VAV3: variants seen among roughly 807,000 people sequenced by gnomAD.
The protein encoded by VAV3 is guanine nucleotide exchange factor VAV3.
VAV3 carries 94 observed loss-of-function variants against 131.2 expected under a neutral mutation model. The observed-to-expected ratio is 0.72, with a 90% CI of 0.61 to 0.85. VAV3 has a LOEUF of 0.85. Ranked by LOEUF, VAV3 falls within the 40% of genes least tolerant of loss-of-function variation. The pLI is 0.00. For missense variants in VAV3, 939 were observed against 1,002.7 expected (o/e 0.94, Z 0.86); for synonymous variants, 349 against 342.0 (o/e 1.02, Z -0.22).
At chr1:107,804,296 T>C (rs1666959894) in intron 2 of VAV3, among the ~76,000 whole-genome samples, 1 of 152,146 alleles carries the variant, frequency 6.6e-6, no homozygotes, top group South Asian at 2.1e-4. Context: ...TGTTTTCTGG[T>C]TGCTTTGTAA....
intron 2 of VAV3, among the ~76,000 whole-genome samples, chr1:107,834,794 T>C (rs1004066852): frequency 2.6e-5 from 4 of 152,096 alleles, no homozygotes; most frequent in Admixed American, 2.6e-4. Context: ...ATGGGGTTGC[T>C]GAATGCCAGG....
At chr1:107,878,317 A>G (rs1314113246) in intron 1 of VAV3, among the ~76,000 whole-genome samples, 1 of 152,170 alleles carries the variant, frequency 6.6e-6, no homozygotes, top group Admixed American at 6.5e-5. Flanking sequence ...ATATTATCTA[A>G]TATCCATTCC....
chr1:107,886,685 T>C (rs1241271562), intron 1 of VAV3, among the ~76,000 whole-genome samples: 2 of 152,200 alleles, frequency 1.3e-5, no homozygotes, highest in Non-Finnish European at 2.9e-5. Context: ...TTGTACAAAC[T>C]TGTACTTTCT....
chr1:107,621,615 G>C (rs2101265201), intron 20 of VAV3, among the ~76,000 whole-genome samples: 1 of 152,198 alleles, frequency 6.6e-6, no homozygotes, highest in South Asian at 2.1e-4. Context: ...ACCTTGGTGA[G>C]AGACATGCAA....
intron 20 of VAV3, among the ~76,000 whole-genome samples, chr1:107,629,628 G>A (rs1031425825): frequency 6.6e-6 from 1 of 152,128 alleles, no homozygotes; most frequent in African/African-American, 2.4e-5. Flanking sequence ...AAAAAAAGAA[G>A]AAGACAAAGA....
At chr1:107,827,299 C>T (rs889079636) in intron 2 of VAV3, among the ~76,000 whole-genome samples, 1 of 152,108 alleles carries the variant, frequency 6.6e-6, no homozygotes, top group African/African-American at 2.4e-5. Context: ...ATCCCTCTTC[C>T]TTCCTTATTC....
intron 4 of VAV3, 65 bp from the exon 5 acceptor site, chr1:107,772,908 G>A: frequency 7.4e-7 from 1 of 1,353,922 alleles, no homozygotes; most frequent in Admixed American, 2.0e-5. Flanking sequence ...GCTACAAATA[G>A]CCTACTGGAT....
At chr1:107,735,339 G>C in intron 15 of VAV3, among the ~76,000 whole-genome samples, 1 of 152,110 alleles carries the variant, frequency 6.6e-6, no homozygotes, top group African/African-American at 2.4e-5. Context: ...CTAGCAAAAG[G>C]TAAGAAATAA....
chr1:107,628,301 T>C (rs954744248), intron 20 of VAV3, among the ~76,000 whole-genome samples: 3 of 152,188 alleles, frequency 2.0e-5, no homozygotes, highest in African/African-American at 4.8e-5. Flanking sequence ...ACCTGGACTG[T>C]TTGAAGACCA....
chr1:107,794,103 T>A (rs746181647), intron 2 of VAV3, among the ~76,000 whole-genome samples: 6 of 152,260 alleles, frequency 3.9e-5, no homozygotes, highest in Non-Finnish European at 7.3e-5. Flanking sequence ...AAGATAGCTC[T>A]GGCTGACAAT....
intron 1 of VAV3, among the ~76,000 whole-genome samples, chr1:107,924,172 C>T (rs1673043954): frequency 6.6e-6 from 1 of 152,096 alleles, no homozygotes; most frequent in Non-Finnish European, 1.5e-5. Context: ...CCTATAGAAT[C>T]TTATTGGTGA....
chr1:107,964,792 G>C lies in VAV3; in HGVS notation c.78C>G (p.Asp26Glu), dbSNP rs1485299075. The C allele has an allele frequency of 7.4e-6, 12 of 1,614,032 alleles. No individual in the cohort carries two copies. The highest frequency in any genetic ancestry group is 1.3e-5 in the African/African-American group (1 of 75,060). The change falls in exon 1 of 27, where the codon GAC becomes GAG. Residue 26 changes from aspartate (D) to glutamate (E), a missense_variant. Asp to Glu is a conservative substitution (Grantham distance 45). Coordinates refer to ENST00000370056, the MANE Select transcript of VAV3 (RefSeq NM_006113.5). ...VLPTNHRVTWDSAQVFDLAQT... is the reference protein window; with the variant it reads ...VLPTNHRVTWESAQVFDLAQT... ...GCGCAAGGTCGAACACCTGAGCCGA[G>C]TCCCAGGTCACCCGGTGGTTGGTGG... is the stretch of plus-strand genomic sequence containing the variant.
intron 25 of VAV3, among the ~76,000 whole-genome samples, chr1:107,575,056 C>G (rs1348017321): frequency 6.6e-6 from 1 of 151,336 alleles, no homozygotes; most frequent in Non-Finnish European, 1.5e-5. Context: ...AGGAGAGGAG[C>G]TAACTTTCTC....
At chr1:107,749,625 A>C in intron 13 of VAV3, 31 bp from the exon 14 acceptor site, 1 of 1,604,328 alleles carries the variant, frequency 6.2e-7, no homozygotes, top group East Asian at 2.2e-5. Flanking sequence ...GATTGATTTT[A>C]AATGGTTTAG....
Position 107,825,099 on chromosome 1 carries a change from C to A in VAV3, c.322-45607G>T, listed in dbSNP as rs939742829. 1.0e-3 allele frequency among the ~76,000 whole-genome samples: 159 copies of A among 152,312 alleles called. 1 individual carries two copies. The highest frequency in any genetic ancestry group is 3.6e-3 in the African/African-American group (151 of 41,570). On this transcript the variant is annotated intron_variant, in intron 2 of 26. Coordinates refer to ENST00000370056, the MANE Select transcript of VAV3 (RefSeq NM_006113.5). Reference sequence around the variant, plus strand: ...CTCACTTATGTGCTGTCTATGGCTGCCTTTCTACCACAATAATAAATGTGA... The same window carrying A: ...CTCACTTATGTGCTGTCTATGGCTGACTTTCTACCACAATAATAAATGTGA...
chr1:107,851,477 T>C (rs1669230305), intron 2 of VAV3, among the ~76,000 whole-genome samples: 1 of 152,092 alleles, frequency 6.6e-6, no homozygotes, highest in South Asian at 2.1e-4. Context: ...ATCTTAAATG[T>C]TCTTGCCTAT....
intron 2 of VAV3, among the ~76,000 whole-genome samples, chr1:107,827,352 G>A (rs958640094): frequency 3.3e-5 from 5 of 152,120 alleles, no homozygotes; most frequent in Non-Finnish European, 7.3e-5. Context: ...TGAGGTCACT[G>A]TTCCTTGTAC....
intron 19 of VAV3, among the ~76,000 whole-genome samples, chr1:107,658,667 T>C (rs1411695664): frequency 6.6e-6 from 1 of 152,120 alleles, no homozygotes; most frequent in African/African-American, 2.4e-5. Flanking sequence ...GGTATCTTAT[T>C]GTGGTTTTGA....
chr1:107,574,971 G>GTA (rs1414207134), intron 25 of VAV3, among the ~76,000 whole-genome samples: 1 of 25,138 alleles, frequency 4.0e-5, no homozygotes, highest in Non-Finnish European at 1.1e-4. Context: ...CTCTGTGTGT[G>GTA]TGTGTGTGTG....
Sources: gnomAD v4.1 joint callset for allele counts (sites outside exome capture counted in the v4.1 genomes callset) on GRCh38, gnomAD v4.1.1 for gene constraint, MANE v1.5 for transcripts, NCBI Gene and HGNC (gene_info 2026-07-23, HGNC 2026-07-21) for gene names.